The following CADM2 variants were observed in gnomAD, a reference collection of about 807,000 sequenced individuals.
CADM2 encodes the protein immunoglobulin superfamily member 4D.
A neutral mutation model predicts 49.8 loss-of-function variants in CADM2; 12 were observed. The observed-to-expected ratio is 0.24, with a 90% CI of 0.15 to 0.39. CADM2 has a LOEUF of 0.39. CADM2 is among the 10% of genes least tolerant of loss of function. CADM2 has a pLI of 1.00. For missense variants in CADM2, 378 were observed against 492.3 expected (o/e 0.77, Z 2.20); for synonymous variants, 214 against 175.4 (o/e 1.22, Z -1.74).
intron 1 of CADM2, among the ~76,000 whole-genome samples, chr3:85,162,689 TA>T (rs1278425713): frequency 6.6e-6 from 1 of 152,112 alleles, no homozygotes; most frequent in Non-Finnish European, 1.5e-5. Flanking sequence ...TTTTAAATAG[TA>T]ATATTTTTGA....
At chr3:85,033,163 CA>C (rs930547410) in intron 1 of CADM2, among the ~76,000 whole-genome samples, 1 of 152,128 alleles carries the variant, frequency 6.6e-6, no homozygotes. Flanking sequence ...ATGATAAAGT[CA>C]CGTTGTTTTT....
chr3:85,074,180 C>T (rs1206168600), intron 1 of CADM2, among the ~76,000 whole-genome samples: 1 of 152,072 alleles, frequency 6.6e-6, no homozygotes, highest in Non-Finnish European at 1.5e-5. Context: ...CATTAACTGT[C>T]TTACTCTGCC....
intron 6 of CADM2, among the ~76,000 whole-genome samples, chr3:85,916,310 A>C (rs62261747): frequency 0.32 from 46,593 of 147,510 alleles, 8,488 homozygotes; most frequent in East Asian, 0.41. Context: ...TCCTAATACT[A>C]TCCCTTCCCC....
At chr3:85,663,067 CGTAGTG>C (rs372708224) in intron 1 of CADM2, among the ~76,000 whole-genome samples, 5 of 152,050 alleles carry the variant, frequency 3.3e-5, no homozygotes, top group African/African-American at 1.2e-4. Flanking sequence ...GAACTGCAAA[CGTAGTG>C]GTAGGTGGTT....
intron 1 of CADM2, among the ~76,000 whole-genome samples, chr3:85,697,320 T>C (rs985453887): frequency 7.9e-5 from 12 of 151,996 alleles, no homozygotes; most frequent in Non-Finnish European, 1.6e-4. Flanking sequence ...CTGACAGATA[T>C]ATAAAGTGAC....
At chr3:85,148,851 G>A (rs1391692343) in intron 1 of CADM2, among the ~76,000 whole-genome samples, 2 of 151,846 alleles carry the variant, frequency 1.3e-5, no homozygotes, top group Non-Finnish European at 2.9e-5. Flanking sequence ...TATCCTTGTC[G>A]ACTTTATGTT....
chr3:85,975,400 G>A (rs1726652644), intron 8 of CADM2, among the ~76,000 whole-genome samples: 1 of 151,146 alleles, frequency 6.6e-6, no homozygotes, highest in Non-Finnish European at 1.5e-5. Flanking sequence ...TTATTAATGA[G>A]AGTATTTTAA....
chr3:85,312,101 A>T (rs1032116215), intron 1 of CADM2, among the ~76,000 whole-genome samples: 2 of 152,020 alleles, frequency 1.3e-5, no homozygotes, highest in African/African-American at 4.8e-5. Context: ...TACTCATCCA[A>T]AGTTTCATTA....
chr3:85,107,609 TTTTCTTTC>T (rs753118590), intron 1 of CADM2, among the ~76,000 whole-genome samples: 2 of 148,230 alleles, frequency 1.3e-5, no homozygotes, highest in South Asian at 2.2e-4. Context: ...TTCTCTTTCT[TTTTCTTTC>T]TTTCTTTCTT....
intron 1 of CADM2, among the ~76,000 whole-genome samples, chr3:85,061,788 A>C (rs1290730420): frequency 6.6e-6 from 1 of 152,130 alleles, no homozygotes; most frequent in Non-Finnish European, 1.5e-5. Context: ...CGGTATTGCA[A>C]TGTAGTCGAT....
chr3:85,019,304 G>A (rs2034395641), intron 1 of CADM2, among the ~76,000 whole-genome samples: 1 of 152,048 alleles, frequency 6.6e-6, no homozygotes, highest in South Asian at 2.1e-4. Context: ...GCAACATGGT[G>A]AGACCCCATC....
In CADM2 at chr3:85,686,832, A is replaced by G. The variant is rs141649155; in HGVS notation, c.62-39690A>G. On this transcript the variant is annotated intron_variant, in intron 1 of 9. Coordinates refer to ENST00000383699, the MANE Select transcript of CADM2 (RefSeq NM_001167675.2). Reference sequence around the variant, plus strand: ...TCAAAAGAATGCAACCATTTGTCTCATATCTACCAATAACCTGGAAGCACC... The same window carrying G: ...TCAAAAGAATGCAACCATTTGTCTCGTATCTACCAATAACCTGGAAGCACC... 5.6e-4 allele frequency among the ~76,000 whole-genome samples: 86 copies of G among 152,312 alleles called. No individual in the cohort carries two copies. The East Asian group carries it at 0.016, about 28-fold the overall frequency.
chr3:85,764,143 A>G (rs72914853), intron 2 of CADM2, among the ~76,000 whole-genome samples: 3,148 of 152,234 alleles, frequency 0.021, 104 homozygotes, highest in African/African-American at 0.071. Flanking sequence ...TATCAAGTTT[A>G]TATCTAATTT....
intron 1 of CADM2, among the ~76,000 whole-genome samples, chr3:85,127,469 T>C (rs557637269): frequency 2.9e-4 from 44 of 152,314 alleles, no homozygotes; most frequent in Non-Finnish European, 4.7e-4. Context: ...TGAAGAATGG[T>C]ATATGATTGG....
intron 3 of CADM2, among the ~76,000 whole-genome samples, chr3:85,879,811 G>T (rs982480365): frequency 4.6e-5 from 7 of 152,046 alleles, no homozygotes; most frequent in African/African-American, 1.7e-4. Flanking sequence ...GTCTTACTTG[G>T]CTTTCATCAG....
chr3:85,076,632 C>G (rs142281162), intron 1 of CADM2, among the ~76,000 whole-genome samples: 4,862 of 152,016 alleles, frequency 0.032, 118 homozygotes, highest in East Asian at 0.045. Context: ...CAGGCATGAG[C>G]CACCACACCC....
intron 1 of CADM2, among the ~76,000 whole-genome samples, chr3:84,992,988 G>A (rs1392519645): frequency 6.6e-6 from 1 of 152,098 alleles, no homozygotes; most frequent in Non-Finnish European, 1.5e-5. Context: ...AACCCAGGAT[G>A]TATGGTTTAA....
chr3:85,339,365 G>A (rs1475064663), intron 1 of CADM2, among the ~76,000 whole-genome samples: 1 of 151,382 alleles, frequency 6.6e-6, no homozygotes, highest in East Asian at 1.9e-4. Context: ...GAAAGAACAA[G>A]TGTAATATCA....
intron 5 of CADM2, among the ~76,000 whole-genome samples, chr3:85,909,940 T>A (rs1717339254): frequency 6.6e-6 from 1 of 152,206 alleles, no homozygotes; most frequent in Non-Finnish European, 1.5e-5. Flanking sequence ...TGATTGGCTC[T>A]TCTCAATGTT....
Sources: gnomAD v4.1 joint callset for allele counts (sites outside exome capture counted in the v4.1 genomes callset) on GRCh38, gnomAD v4.1.1 for gene constraint, MANE v1.5 for transcripts, NCBI Gene and HGNC (gene_info 2026-07-23, HGNC 2026-07-21) for gene names.